KIF2A: variants seen among roughly 807,000 people sequenced by gnomAD.
KIF2A encodes the protein kinesin family member 2A.
In KIF2A, 22 loss-of-function variants were observed where a neutral mutation model predicts 100.2. That is an observed-to-expected ratio of 0.22 (90% confidence interval 0.16 to 0.31). KIF2A has a LOEUF of 0.31. KIF2A is among the 10% of genes least tolerant of loss of function. KIF2A has a pLI of 1.00. For synonymous variants in KIF2A, 268 were observed against 285.9 expected (o/e 0.94, Z 0.63); for missense variants, 495 against 898.7 (o/e 0.55, Z 5.74).
intron 1 of KIF2A, among the ~76,000 whole-genome samples, chr5:62,318,479 C>A (rs1745940938): frequency 6.6e-6 from 1 of 152,148 alleles, no homozygotes; most frequent in African/African-American, 2.4e-5. Context: ...TGAGAGTTGC[C>A]TATAACTTCG....
chr5:62,306,443 C>A lies in KIF2A; in HGVS notation c.-30C>A. The A allele has an allele frequency of 6.5e-7, 1 of 1,531,730 alleles. No individual in the cohort carries two copies. The highest frequency in any genetic ancestry group is 8.8e-7 in the Non-Finnish European group (1 of 1,135,400). The allele number at this position is 1,531,730 out of a possible 1,614,324, so 94.9% of individuals were successfully genotyped here. On this transcript the variant is annotated 5_prime_UTR_variant, in exon 1 of 21. Transcript: ENST00000407818. ...TTTCCGCCCTCCGGTCCCCCTCCCT[C>A]GGCCCGCTGCTGCTGCTCCAGATGA...
chr5:62,363,800 T>C lies in KIF2A; in HGVS notation c.1368T>C (p.Ile456=). The change falls in exon 14 of 21, where the codon ATT becomes ATC. Residue 456 remains isoleucine, a synonymous_variant. Transcript: ENST00000407818. ...AACTACATGGCAAATTTTCTCTCAT[T>C]GATTTGGCTGGAAATGAAAGAGGAG... is the stretch of plus-strand genomic sequence containing the variant. ...KGKLHGKFSL[I]DLAGNERGAD... 2 of 1,613,994 alleles carry C rather than the reference T, an allele frequency of 1.2e-6. No homozygotes were observed. Among genetic ancestry groups the C allele is most frequent in the Non-Finnish European group, 1.7e-6 (2 of 1,179,886 alleles).
chr5:62,351,000 G>C (rs1435581574), intron 4 of KIF2A, among the ~76,000 whole-genome samples: 1 of 152,072 alleles, frequency 6.6e-6, no homozygotes, highest in Admixed American at 6.6e-5. Flanking sequence ...GAGAGGCCGA[G>C]GCGGGCAGAT....
At chr5:62,345,408 A>G (rs1307407064) in intron 1 of KIF2A, among the ~76,000 whole-genome samples, 2 of 150,004 alleles carry the variant, frequency 1.3e-5, no homozygotes, top group African/African-American at 4.9e-5. Flanking sequence ...AGAGCTGGGC[A>G]TGGTGGTGCA....
intron 20 of KIF2A, among the ~76,000 whole-genome samples, chr5:62,382,575 T>G (rs374014000): frequency 9.8e-5 from 15 of 152,314 alleles, no homozygotes; most frequent in South Asian, 6.2e-4. Flanking sequence ...TTTTTTCAGA[T>G]TTTTGAATAT....
chr5:62,306,633 C>G (rs986398552), intron 1 of KIF2A, 97 bp downstream of exon 1: 47 of 1,015,664 alleles, frequency 4.6e-5, no homozygotes, highest in Non-Finnish European at 6.0e-5. Flanking sequence ...ATTGCTTCGC[C>G]GGGCTGTGGG....
At position 62,365,248 on chromosome 5, in the gene KIF2A, C is replaced by T. The variant is rs1741014002; in HGVS notation, c.1473C>T (p.Cys491=). The change falls in exon 15 of 21, where the codon TGC becomes TGT. Residue 491 remains cysteine (C), a synonymous_variant. Transcript: ENST00000407818. ...CTTGTTTTCTTAATTTTCAGGAGTG[C>T]ATCAGAGCCTTAGGTAGAAATAAAC... ...INKSLLALKE[C]IRALGRNKPH... is the part of the protein sequence containing the mutation. 5.8e-6 allele frequency: 9 copies of T among 1,552,798 alleles called. No individual in the cohort carries two copies. Among genetic ancestry groups the T allele is most frequent in the South Asian group, 4.6e-5 (4 of 86,454 alleles).
chr5:62,363,198 G>A lies in KIF2A; in HGVS notation c.1140G>A (p.Arg380=), dbSNP rs774313950. ...YSGKVFDLLN[R]KTKLRVLEDG... ...CATAGGTGTTTGACTTGCTAAACAG[G>A]AAAACAAAATTAAGAGTTCTAGAAG... The change falls in exon 13 of 21, where the codon AGG becomes AGA. Residue 380 remains arginine, a synonymous_variant. Coordinates refer to ENST00000407818, the MANE Select transcript of KIF2A (RefSeq NM_001098511.3). The A allele has an allele frequency of 5.0e-6, 8 of 1,608,886 alleles. No homozygotes were observed. The highest frequency in any genetic ancestry group is 3.4e-5 in the Admixed American group (2 of 59,044).
chr5:62,373,111 T>G (rs892386520), intron 17 of KIF2A, among the ~76,000 whole-genome samples: 6 of 151,998 alleles, frequency 3.9e-5, no homozygotes, highest in Non-Finnish European at 8.8e-5. Context: ...TTCCCAAATG[T>G]GTAAGTTTAA....
At chr5:62,347,771 G>A (rs1168316436) in intron 2 of KIF2A, among the ~76,000 whole-genome samples, 6 of 151,840 alleles carry the variant, frequency 4.0e-5, no homozygotes, top group African/African-American at 1.2e-4. Flanking sequence ...CTACAGGTGT[G>A]CACCACCACA....
rs146385648 is a variant in KIF2A at position 62,377,621 on chromosome 5, A to G, written c.1912-40A>G. ...AAACTACTTTTATAACATTTAAAAT[A>G]CACACTATATCATAATTTCTTAACT... On this transcript the variant is annotated intron_variant, in intron 18 of 20. Transcript: ENST00000407818. The G allele has an allele frequency of 2.8e-4, 312 of 1,105,256 alleles. 3 individuals carry two copies. In the East Asian group the frequency reaches 7.8e-3, roughly 27 times the overall value. The allele number at this position is 1,105,256 out of a possible 1,614,324, so 68.5% of individuals were successfully genotyped here. A position where few individuals can be genotyped will look rare whatever the true frequency, so the allele number is the denominator to read the frequency against.
intron 1 of KIF2A, among the ~76,000 whole-genome samples, chr5:62,314,797 C>A (rs1561246183): frequency 7.8e-6 from 1 of 128,954 alleles, no homozygotes; most frequent in Non-Finnish European, 1.6e-5. Context: ...GAGTCTCACT[C>A]TGTCACCCAG....
rs1401102883 is a variant in KIF2A at position 62,353,184 on chromosome 5, G to A, written c.458-91G>A. On this transcript the variant is annotated intron_variant, in intron 5 of 20. Transcript: ENST00000407818. ...TGCTTTGTCACTGTGTACCTTTTATGTGTGTGTGGTGAAGTTATACATAAA... is the reference window on the plus strand; with the variant it reads ...TGCTTTGTCACTGTGTACCTTTTATATGTGTGTGGTGAAGTTATACATAAA... 12 of 606,272 alleles carry A rather than the reference G, an allele frequency of 2.0e-5. 1 individual carries two copies. Among genetic ancestry groups the A allele is most frequent in the South Asian group, 1.0e-4 (4 of 38,506 alleles). The allele number at this position is 606,272 out of a possible 1,614,324, so 37.6% of individuals were successfully genotyped here. A position where few individuals can be genotyped will look rare whatever the true frequency, so the allele number is the denominator to read the frequency against.
intron 1 of KIF2A, among the ~76,000 whole-genome samples, chr5:62,330,991 A>G (rs1300092986): frequency 6.6e-6 from 1 of 152,218 alleles, no homozygotes; most frequent in East Asian, 1.9e-4. Context: ...TACTTTAAAC[A>G]AAACAGATTT....
chr5:62,314,764 T>G (rs1745728195), intron 1 of KIF2A, among the ~76,000 whole-genome samples: 1 of 146,488 alleles, frequency 6.8e-6, no homozygotes, highest in South Asian at 2.2e-4. Flanking sequence ...AACTGTTTTT[T>G]TTTTTTTTTT....
chr5:62,349,009 A>C (rs1220239697), intron 3 of KIF2A, among the ~76,000 whole-genome samples: 1 of 152,212 alleles, frequency 6.6e-6, no homozygotes, highest in Admixed American at 6.5e-5. Flanking sequence ...TTTGTTTCAT[A>C]AACTATGCAG....
At chr5:62,346,285 T>C (rs1210321931) in intron 1 of KIF2A, among the ~76,000 whole-genome samples, 1 of 152,104 alleles carries the variant, frequency 6.6e-6, no homozygotes, top group Non-Finnish European at 1.5e-5. Flanking sequence ...AGGAATAGAA[T>C]AGATTTGGAT....
intron 5 of KIF2A, 200 bp downstream of exon 5, chr5:62,352,910 T>A (rs1747926335): frequency 2.2e-6 from 1 of 461,190 alleles, no homozygotes; most frequent in Admixed American, 4.2e-5. Flanking sequence ...AGCAAAAATT[T>A]TTTTGTGAAA....
rs1391911394 is a variant in KIF2A, at chr5:62,386,254, T to C, written c.*685T>C. ...ATAGCTGCTGGACCATTCCATCTTA[T>C]ATGTAAAGAAATCTGGAATTATTAT... is the stretch of plus-strand genomic sequence containing the variant. On this transcript the variant is annotated 3_prime_UTR_variant, in exon 21 of 21. Coordinates refer to ENST00000407818, the MANE Select transcript of KIF2A (RefSeq NM_001098511.3). 6.5e-6 allele frequency: 1 copy of C among 152,678 alleles called. No individual in the cohort carries two copies. The highest frequency in any genetic ancestry group is 1.5e-5 in the Non-Finnish European group (1 of 68,050). 9.5% of individuals were successfully genotyped at this position (152,678 alleles called of 1,614,324 possible).
Sources: gnomAD v4.1 joint callset for allele counts (sites outside exome capture counted in the v4.1 genomes callset) on GRCh38, gnomAD v4.1.1 for gene constraint, MANE v1.5 for transcripts, NCBI Gene and HGNC (gene_info 2026-07-23, HGNC 2026-07-21) for gene names.